GREB1L: variants seen among roughly 807,000 people sequenced by gnomAD.
The protein encoded by GREB1L is GREB1-like protein.
In GREB1L, 17 loss-of-function variants were observed where a neutral mutation model predicts 200.8. The observed-to-expected ratio is 0.08, with a 90% CI of 0.06 to 0.13. The LOEUF is 0.13. Ranked by LOEUF, GREB1L falls within the 10% of genes least tolerant of loss-of-function variation. The pLI, the probability that GREB1L is intolerant of heterozygous loss-of-function variation, is 1.00. For synonymous variants in GREB1L, 789 were observed against 893.0 expected, an observed-to-expected ratio of 0.88 and a Z score of 2.08; for missense variants, 1,657 against 2,367.7, an observed-to-expected ratio of 0.70 and a Z score of 6.23.
At chr18:21,462,312 C>T (rs555511613) in intron 15 of GREB1L, among the ~76,000 whole-genome samples, 6 of 152,332 alleles carry the variant, frequency 3.9e-5, no homozygotes, top group African/African-American at 1.2e-4. Context: ...ATAAAAGTGA[C>T]GTTTCTTAGA....
chr18:21,489,800 T>C (rs1456952334), intron 18 of GREB1L, among the ~76,000 whole-genome samples: 1 of 152,214 alleles, frequency 6.6e-6, no homozygotes, highest in Non-Finnish European at 1.5e-5. Context: ...TACTGTGCTG[T>C]ACTTATCCCA....
In GREB1L at chr18:21,513,854, A is replaced by G; in HGVS notation, c.4769A>G (p.Tyr1590Cys). 1.9e-6 allele frequency: 3 copies of G among 1,551,672 alleles called. No homozygotes were observed. Among genetic ancestry groups the G allele is most frequent in the African/African-American group, 1.4e-5 (1 of 73,182 alleles). ...AARFLIKELS[Y>C]HNLELERNRL... Reference sequence around the variant, plus strand: ...AGGTTCCTCATCAAGGAGCTATCATATCACAACCTAGAATTGGAGAGAAAC... The same window carrying G: ...AGGTTCCTCATCAAGGAGCTATCATGTCACAACCTAGAATTGGAGAGAAAC... Residue 1590 changes from tyrosine to cysteine, a missense_variant, in exon 28 of 33, where the codon TAT (tyrosine) becomes TGT (cysteine). Physicochemically the swap from Tyr to Cys is radical, Grantham distance 194. Transcript: ENST00000424526.
In GREB1L at chr18:21,384,322, G is replaced by C. The variant is rs778569433; in HGVS notation, c.274G>C (p.Asp92His). The C allele has an allele frequency of 1.9e-6, 3 of 1,551,606 alleles. No individual in the cohort carries two copies. The South Asian group carries it at 3.6e-5, about 18-fold the overall frequency. The change falls in exon 4 of 33, where the codon GAT becomes CAT. Residue 92 changes from aspartate (D) to histidine (H), a missense_variant. Asp to His is a moderately conservative substitution (Grantham distance 81). Transcript: ENST00000424526. ...TAATGAAATGGAAGATGATGAAGAC[G>C]ATGAAGAAATGTCTGATTCAAACAG... ...TVNEMEDDED[D>H]EEMSDSNSPP... is the part of the protein sequence containing the mutation.
At chr18:21,279,103 G>A (rs2038223676) in intron 1 of GREB1L, among the ~76,000 whole-genome samples, 1 of 151,998 alleles carries the variant, frequency 6.6e-6, no homozygotes, top group African/African-American at 2.4e-5. Context: ...AATGCAGTTT[G>A]TCTCATCATT....
intron 7 of GREB1L, among the ~76,000 whole-genome samples, chr18:21,426,346 C>T (rs564562284): frequency 6.6e-6 from 1 of 152,110 alleles, no homozygotes; most frequent in Admixed American, 6.5e-5. Context: ...CATGAGCCAC[C>T]GCGCCCGGCC....
intron 1 of GREB1L, among the ~76,000 whole-genome samples, chr18:21,266,534 C>A (rs2144190944): frequency 6.6e-6 from 1 of 152,252 alleles, no homozygotes; most frequent in Admixed American, 6.5e-5. Context: ...ATGCTGAGGG[C>A]CCCCTGCAGC....
intron 5 of GREB1L, 91 bp downstream of exon 5, chr18:21,395,652 A>T: frequency 2.2e-6 from 2 of 901,494 alleles, no homozygotes; most frequent in African/African-American, 1.7e-5. Context: ...TAAAAAATAT[A>T]CCAGAGGATT....
In GREB1L at chr18:21,496,560, A is replaced by T; in HGVS notation, c.3253A>T (p.Ile1085Phe). ...LACCYVSKEVIRGPTVALDLS... is the reference protein window; with the variant it reads ...LACCYVSKEVFRGPTVALDLS... ...ATGCTGCTATGTCTCAAAAGAGGTC[A>T]TCCGGGGACCCACTGTTGCCCTGGA... The change falls in exon 21 of 33, where the codon ATC (isoleucine) becomes TTC (phenylalanine). Residue 1085 changes from isoleucine to phenylalanine, a missense_variant. Ile to Phe is a conservative substitution (Grantham distance 21). Around this residue, in one of 9 missense-constraint regions of GREB1L, gnomAD observed 512 missense variants for 668.3 expected, o/e 0.77. Transcript: ENST00000424526. The T allele has an allele frequency of 6.4e-7, 1 of 1,551,716 alleles. No individual in the cohort carries two copies. Among genetic ancestry groups the T allele is most frequent in the Admixed American group, 2.0e-5 (1 of 51,000 alleles).
At chr18:21,463,275 AGGT>A (rs914032434) in intron 15 of GREB1L, among the ~76,000 whole-genome samples, 1 of 149,108 alleles carries the variant, frequency 6.7e-6, no homozygotes, top group African/African-American at 2.5e-5. Flanking sequence ...CCTCCCAAGT[AGGT>A]GGGACCACAA....
chr18:21,461,451 CCT>C (rs1284980123), intron 15 of GREB1L, among the ~76,000 whole-genome samples: 1 of 152,186 alleles, frequency 6.6e-6, no homozygotes, highest in Admixed American at 6.5e-5. Context: ...TCCATCCTCA[CCT>C]CTGTCTCCCA....
At chr18:21,382,438 A>G (rs2040357196) in intron 2 of GREB1L, among the ~76,000 whole-genome samples, 2 of 152,120 alleles carry the variant, frequency 1.3e-5, no homozygotes, top group African/African-American at 4.8e-5. Context: ...TTTGAGTATC[A>G]TTAGCCATTA....
intron 1 of GREB1L, among the ~76,000 whole-genome samples, chr18:21,261,762 T>C (rs150430571): frequency 6.6e-6 from 1 of 152,256 alleles, no homozygotes; most frequent in East Asian, 1.9e-4. Context: ...CAAAATTTAC[T>C]TAAGCCACAT....
intron 1 of GREB1L, among the ~76,000 whole-genome samples, chr18:21,275,583 G>A (rs2038149948): frequency 6.6e-6 from 1 of 151,966 alleles, no homozygotes; most frequent in Non-Finnish European, 1.5e-5. Flanking sequence ...AACCTGGGAG[G>A]CAGAGGTTGC....
At chr18:21,424,664 A>T (rs1360207725) in intron 7 of GREB1L, among the ~76,000 whole-genome samples, 1 of 152,224 alleles carries the variant, frequency 6.6e-6, no homozygotes, top group Admixed American at 6.5e-5. Flanking sequence ...TTCATCCATT[A>T]AAAGTATATA....
rs1044067838 is a variant in GREB1L, at chr18:21,525,789, C to CAACT, written c.*2969_*2972dup. Among the ~76,000 whole-genome samples, 7 of 151,992 alleles carry CAACT rather than the reference C, an allele frequency of 4.6e-5. No homozygotes were observed. The highest frequency in any genetic ancestry group is 1.0e-4 in the Non-Finnish European group (7 of 67,998). On this transcript the variant is annotated 3_prime_UTR_variant, in exon 33 of 33. Coordinates refer to ENST00000424526, the MANE Select transcript of GREB1L (RefSeq NM_001142966.3). Reference sequence around the variant, plus strand: ...ATTATATCTTCTTAAAAAATTTTACCAACTTTTGAGAATAACAACTTTGTT... The same window carrying CAACT: ...ATTATATCTTCTTAAAAAATTTTACCAACTAACTTTTGAGAATAACAACTTTGTT...
At chr18:21,383,709 T>C (rs1484438778) in intron 3 of GREB1L, 34 bp downstream of exon 3, 13 of 1,484,490 alleles carry the variant, frequency 8.8e-6, no homozygotes, top group Non-Finnish European at 1.2e-5. Context: ...TTCTGGATTC[T>C]TTTTTTTTGT....
intron 7 of GREB1L, among the ~76,000 whole-genome samples, chr18:21,417,012 T>C (rs2031704386): frequency 6.6e-6 from 1 of 151,808 alleles, no homozygotes; most frequent in African/African-American, 2.4e-5. Flanking sequence ...ACAGCAAGAC[T>C]CCATCTCAAA....
At chr18:21,288,772 T>C (rs1409597037) in intron 1 of GREB1L, among the ~76,000 whole-genome samples, 1 of 152,024 alleles carries the variant, frequency 6.6e-6, no homozygotes, top group Non-Finnish European at 1.5e-5. Flanking sequence ...AGTTTCACTC[T>C]TGTCGCCCAG....
chr18:21,301,977 C>T (rs1278922938), intron 1 of GREB1L, among the ~76,000 whole-genome samples: 1 of 152,172 alleles, frequency 6.6e-6, no homozygotes, highest in African/African-American at 2.4e-5. Context: ...GGAGGAAACT[C>T]AGGAAGAGAG....
Sources: allele counts gnomAD v4.1 joint callset (sites outside exome capture counted in the v4.1 genomes callset), GRCh38; gene constraint gnomAD v4.1.1; regional missense constraint gnomAD v4.1.1; transcripts MANE v1.5; gene names NCBI Gene and HGNC (gene_info 2026-07-23, HGNC 2026-07-21).